LITAF: variants seen among roughly 807,000 people sequenced by gnomAD.
LITAF encodes the protein lipopolysaccharide induced TNF factor.
Under a neutral mutation model 14.5 loss-of-function variants are expected in LITAF, and 9 were observed. The observed-to-expected ratio is 0.62, with a 90% confidence interval of 0.37 to 1.08. The LOEUF is 1.08. Among genes scored for constraint, LITAF ranks in the 50% least tolerant of loss-of-function variants. The pLI is 0.01. For synonymous variants in LITAF, 98 were observed against 88.2 expected (o/e 1.11, Z -0.62); for missense variants, 206 against 213.4 (o/e 0.97, Z 0.22).
At chr16:11,573,167 C>A (rs1426189247) in intron 1 of LITAF, among the ~76,000 whole-genome samples, 1 of 151,982 alleles carries the variant, frequency 6.6e-6, no homozygotes, top group East Asian at 1.9e-4. Flanking sequence ...TGACCTCAAG[C>A]GATCCGCCTG....
upstream of LITAF, among the ~76,000 whole-genome samples, chr16:11,637,481 G>A (rs564395411): frequency 1.6e-4 from 24 of 152,338 alleles, no homozygotes; most frequent in Middle Eastern, 6.8e-3. Context: ...CTGGCAGCTG[G>A]GGACCTGGGC....
At chr16:11,556,378 A>C (rs1246224126) in intron 2 of LITAF, 133 bp downstream of exon 2, 1 of 712,198 alleles carries the variant, frequency 1.4e-6, no homozygotes, top group African/African-American at 1.8e-5. Flanking sequence ...GTGGAATTTC[A>C]AGGTAAGGGG....
In LITAF at chr16:11,549,737, G is replaced by C. The variant is rs201512884; in HGVS notation, c.386C>G (p.Ala129Gly). Residue 129 changes from alanine to glycine, a missense_variant, in exon 4 of 4, where the codon GCG becomes GGG. Coordinates refer to ENST00000622633, the MANE Select transcript of LITAF (RefSeq NM_001136472.2). The surrounding 1 kb of genome is among the most constrained non-coding windows in gnomAD (Gnocchi z 4.6). Reference protein sequence around the residue: ...CGSLCLLGCIAGCCFIPFCVD... With the variant: ...CGSLCLLGCIGGCCFIPFCVD... ...GCAGAAGGGGATGAAGCAGCAGCCC[G>C]CTATGCACCTGGGAGGAGAGAGAGA... The C allele has an allele frequency of 6.2e-7, 1 of 1,612,442 alleles. No homozygotes were observed. The highest frequency in any genetic ancestry group is 1.3e-5 in the African/African-American group (1 of 75,006).
At chr16:11,561,440 G>A (rs2064364335) in intron 1 of LITAF, 1 of 152,134 alleles carries the variant, frequency 6.6e-6, no homozygotes, top group Non-Finnish European at 1.5e-5. Flanking sequence ...GGAAATTAAG[G>A]CCTCGGCCAC....
intron 1 of LITAF, among the ~76,000 whole-genome samples, chr16:11,559,458 G>C (rs2064323915): frequency 6.6e-6 from 1 of 151,966 alleles, no homozygotes; most frequent in South Asian, 2.1e-4. Context: ...TTTTTTCAAT[G>C]GTAAATTTGA....
At chr16:11,584,040 C>A (rs771735119) in intron 1 of LITAF, 1 of 152,108 alleles carries the variant, frequency 6.6e-6, no homozygotes, top group Non-Finnish European at 1.5e-5. Flanking sequence ...ATTATGAGGA[C>A]CCTGGAAAAT....
chr16:11,578,352 G>A (rs967020473), intron 1 of LITAF, among the ~76,000 whole-genome samples: 1 of 152,168 alleles, frequency 6.6e-6, no homozygotes, highest in African/African-American at 2.4e-5. Context: ...GAGGTCGGGA[G>A]TTCGAGACCA....
intron 1 of LITAF, among the ~76,000 whole-genome samples, chr16:11,572,932 C>CTTT (rs34208466): frequency 0.02 from 2,828 of 143,188 alleles, 117 homozygotes; most frequent in African/African-American, 0.064. Flanking sequence ...ATCTCAAGCT[C>CTTT]TTTTTTTTTT....
intron 3 of LITAF, among the ~76,000 whole-genome samples, chr16:11,630,515 CCA>C (rs1442594570): frequency 1.3e-5 from 2 of 152,042 alleles, no homozygotes; most frequent in African/African-American, 4.8e-5. Context: ...CCCTGTTGCT[CCA>C]CAGCTTCAGG....
At position 11,556,501 on chromosome 16, in the gene LITAF, C is replaced by G; in HGVS notation, c.220+10G>C. 1 of 1,608,636 alleles carries G rather than the reference C, an allele frequency of 6.2e-7. No homozygotes were observed. Among genetic ancestry groups the G allele is most frequent in the Non-Finnish European group, 8.5e-7 (1 of 1,175,934 alleles). ...GGAATGGTAAGGGGGGCCTGGGAGGCCACACGTACTTGGATTGTTATTGGG... is the reference window on the plus strand; with the variant it reads ...GGAATGGTAAGGGGGGCCTGGGAGGGCACACGTACTTGGATTGTTATTGGG... On this transcript the variant is annotated intron_variant, in intron 2 of 3. Coordinates refer to ENST00000622633, the MANE Select transcript of LITAF (RefSeq NM_001136472.2).
At chr16:11,557,872 C>A (rs1205740711) in intron 1 of LITAF, among the ~76,000 whole-genome samples, 1 of 152,208 alleles carries the variant, frequency 6.6e-6, no homozygotes, top group Non-Finnish European at 1.5e-5. Flanking sequence ...GATTTCCCTC[C>A]AGCCCTGGCA....
intron 3 of LITAF, among the ~76,000 whole-genome samples, chr16:11,621,387 C>G (rs1416503049): frequency 6.6e-6 from 1 of 151,944 alleles, no homozygotes; most frequent in Admixed American, 6.6e-5. Context: ...ATATGTTTTG[C>G]AGAGATGGGG....
At chr16:11,562,021 C>G (rs1373452548) in intron 1 of LITAF, among the ~76,000 whole-genome samples, 2 of 152,048 alleles carry the variant, frequency 1.3e-5, no homozygotes, top group Non-Finnish European at 2.9e-5. Context: ...TAGACTCAAA[C>G]AATCCTCCTG....
At chr16:11,587,532 G>C, upstream of LITAF, 1 of 438,092 alleles carries the variant, frequency 2.3e-6, no homozygotes, top group East Asian at 7.2e-5. Context: ...GACCGACTGG[G>C]AGTGAACTGG....
chr16:11,636,986 C>T (rs112616919), upstream of LITAF, among the ~76,000 whole-genome samples: 8,549 of 151,998 alleles, frequency 0.056, 827 homozygotes, highest in African/African-American at 0.2. Flanking sequence ...TCTCCTGCCT[C>T]AGCCTCCTGG....
chr16:11,587,163 T>C, upstream of LITAF: 1 of 280,742 alleles, frequency 3.6e-6, no homozygotes, highest in South Asian at 2.9e-5. Context: ...CCGAGACGCC[T>C]GGCGCGGACC....
At chr16:11,565,086 CTT>C (rs35652163) in intron 1 of LITAF, among the ~76,000 whole-genome samples, 84,945 of 137,444 alleles carry the variant, frequency 0.62, 26,258 homozygotes, top group African/African-American at 0.69. Context: ...ACTGAATTAT[CTT>C]TTTTTTTTTT....
intron 1 of LITAF, among the ~76,000 whole-genome samples, chr16:11,595,300 C>G (rs1306604047): frequency 6.6e-6 from 1 of 152,222 alleles, no homozygotes; most frequent in Non-Finnish European, 1.5e-5. Context: ...CCCCCAACCC[C>G]AATTCTGGCT....
At chr16:11,629,788 C>G (rs2065106896) in intron 3 of LITAF, among the ~76,000 whole-genome samples, 2 of 152,148 alleles carry the variant, frequency 1.3e-5, no homozygotes, top group South Asian at 4.1e-4. Context: ...ACTCAAGTCT[C>G]CAGCGTGGAG....
Sources: allele counts gnomAD v4.1 joint callset (sites outside exome capture counted in the v4.1 genomes callset), GRCh38; gene constraint gnomAD v4.1.1; non-coding constraint Gnocchi (gnomAD v3.1); transcripts MANE v1.5; gene names NCBI Gene and HGNC (gene_info 2026-07-23, HGNC 2026-07-21).